AFAP1: variants seen among roughly 807,000 people sequenced by gnomAD.
The protein encoded by AFAP1 is actin filament-associated protein 1.
In AFAP1, 75 loss-of-function variants were observed where a neutral mutation model predicts 93.9. The ratio of observed to expected loss-of-function variants is 0.80; its 90% CI spans 0.66 to 0.97. The LOEUF is 0.97. Ranked by LOEUF, AFAP1 falls within the 50% of genes least tolerant of loss-of-function variation. The pLI is 0.00. For synonymous variants in AFAP1, 517 were observed against 430.7 expected, an observed-to-expected ratio of 1.20 and a Z score of -2.48; for missense variants, 1,201 against 1,050.8, an observed-to-expected ratio of 1.14 and a Z score of -1.98.
intron 14 of AFAP1, chr4:7,778,540 G>A: frequency 3.4e-6 from 2 of 594,582 alleles, no homozygotes; most frequent in Non-Finnish European, 6.0e-6. Flanking sequence ...GATCCCACAG[G>A]TGGCAAACCA....
At chr4:7,802,759 C>T (rs1321702116) in intron 9 of AFAP1, among the ~76,000 whole-genome samples, 1 of 151,666 alleles carries the variant, frequency 6.6e-6, no homozygotes, top group African/African-American at 2.4e-5. Context: ...ACGCCATTCT[C>T]CCGCCTCAGC....
At chr4:7,769,368 T>G (rs1715084092) in intron 16 of AFAP1, among the ~76,000 whole-genome samples, 1 of 152,134 alleles carries the variant, frequency 6.6e-6, no homozygotes, top group East Asian at 1.9e-4. Flanking sequence ...TGCTTTAAGG[T>G]TTTGAGCTTT....
intron 1 of AFAP1, among the ~76,000 whole-genome samples, chr4:7,873,451 C>T (rs921430301): frequency 3.0e-5 from 4 of 134,008 alleles, no homozygotes; most frequent in African/African-American, 5.6e-5. Flanking sequence ...TGGGTTCATG[C>T]CATTCTCCTG....
At chr4:7,897,528 T>G (rs1031930232) in intron 1 of AFAP1, among the ~76,000 whole-genome samples, 1 of 131,356 alleles carries the variant, frequency 7.6e-6, no homozygotes, top group Non-Finnish European at 1.8e-5. Flanking sequence ...GTTTGTTTGT[T>G]TTTGTGGTTT....
At chr4:7,786,371 A>T (rs1474952684) in intron 11 of AFAP1, 60 bp from the exon 12 acceptor site, 5 of 1,413,854 alleles carry the variant, frequency 3.5e-6, no homozygotes, top group Non-Finnish European at 5.0e-6. Context: ...CCAATCAGTC[A>T]AGTCTTTAAT....
intron 9 of AFAP1, among the ~76,000 whole-genome samples, chr4:7,807,498 G>A (rs575668524): frequency 4.6e-4 from 70 of 152,288 alleles, no homozygotes; most frequent in African/African-American, 1.7e-3. Context: ...ATTTAGGGAG[G>A]GAAGGGAGGG....
chr4:7,856,365 C>G (rs1202476003), intron 3 of AFAP1, among the ~76,000 whole-genome samples: 3 of 152,054 alleles, frequency 2.0e-5, no homozygotes, highest in Non-Finnish European at 4.4e-5. Context: ...GCCTCAGCCT[C>G]CCAAGTAACT....
chr4:7,790,920 G>A (rs1378870528), intron 11 of AFAP1, among the ~76,000 whole-genome samples: 1 of 152,138 alleles, frequency 6.6e-6, no homozygotes, highest in Non-Finnish European at 1.5e-5. Context: ...ACTTGTCAAG[G>A]CTATTGACCT....
At chr4:7,772,735 G>C in intron 16 of AFAP1, 85 bp downstream of exon 16, 1 of 1,345,394 alleles carries the variant, frequency 7.4e-7, no homozygotes, top group Non-Finnish European at 1.0e-6. Context: ...ACGCCCCAGA[G>C]CCACTCCACA....
At chr4:7,849,076 C>G (rs1714135081) in intron 4 of AFAP1, among the ~76,000 whole-genome samples, 1 of 152,148 alleles carries the variant, frequency 6.6e-6, no homozygotes, top group Non-Finnish European at 1.5e-5. Flanking sequence ...GGCACAGGAA[C>G]CACAGACAAA....
intron 1 of AFAP1, among the ~76,000 whole-genome samples, chr4:7,925,722 G>A (rs947656608): frequency 2.0e-5 from 3 of 152,178 alleles, no homozygotes; most frequent in Admixed American, 6.5e-5. Context: ...GCGCATGCCT[G>A]TAATCCCAGC....
chr4:7,867,755 GC>G (rs1161782859), intron 3 of AFAP1, among the ~76,000 whole-genome samples: 10 of 150,116 alleles, frequency 6.7e-5, no homozygotes, highest in Non-Finnish European at 1.2e-4. Context: ...AATTTATGGT[GC>G]TGTGTGCCAG....
chr4:7,883,034 A>T (rs1717940187), intron 1 of AFAP1, among the ~76,000 whole-genome samples: 1 of 151,374 alleles, frequency 6.6e-6, no homozygotes, highest in Non-Finnish European at 1.5e-5. Context: ...AAAATACAAA[A>T]ATTAGCCAGA....
At chr4:7,804,901 C>T (rs1476872832) in intron 9 of AFAP1, among the ~76,000 whole-genome samples, 2 of 152,180 alleles carry the variant, frequency 1.3e-5, no homozygotes, top group African/African-American at 4.8e-5. Context: ...AACCAAATGT[C>T]AGGAAACTGC....
chr4:7,937,626 A>G (rs931295313), intron 1 of AFAP1, among the ~76,000 whole-genome samples: 1 of 152,142 alleles, frequency 6.6e-6, no homozygotes, highest in African/African-American at 2.4e-5. Flanking sequence ...AGCTGCGATT[A>G]CAGGCACCCA....
chr4:7,861,225 T>C (rs934625043), intron 3 of AFAP1, among the ~76,000 whole-genome samples: 1 of 152,242 alleles, frequency 6.6e-6, no homozygotes, highest in South Asian at 2.1e-4. Flanking sequence ...TCCAGTTCCA[T>C]TTCTATCACA....
chr4:7,824,260 T>C (rs1721231581), intron 6 of AFAP1, among the ~76,000 whole-genome samples: 1 of 152,218 alleles, frequency 6.6e-6, no homozygotes. Flanking sequence ...AACAAATTGT[T>C]ATATATTTTG....
chr4:7,832,107 G>A (rs1376330987), intron 6 of AFAP1, among the ~76,000 whole-genome samples: 1 of 152,176 alleles, frequency 6.6e-6, no homozygotes, highest in Non-Finnish European at 1.5e-5. Flanking sequence ...AAGCAATGAT[G>A]GCAGAGAAGT....
At chr4:7,829,744 A>C (rs962130152) in intron 6 of AFAP1, among the ~76,000 whole-genome samples, 1 of 152,236 alleles carries the variant, frequency 6.6e-6, no homozygotes, top group African/African-American at 2.4e-5. Context: ...CAGGAAGAAA[A>C]GGCACTCTGA....
Sources: gnomAD v4.1 joint callset for allele counts (sites outside exome capture counted in the v4.1 genomes callset) on GRCh38, gnomAD v4.1.1 for gene constraint, MANE v1.5 for transcripts, NCBI Gene and HGNC (gene_info 2026-07-23, HGNC 2026-07-21) for gene names.